EPB41L3: variants seen among roughly 807,000 people sequenced by gnomAD.
The protein encoded by EPB41L3 is erythrocyte membrane protein band 4.1 like 3.
In EPB41L3, 57 loss-of-function variants were observed where a neutral mutation model predicts 127.1. The observed-to-expected ratio is 0.45, with a 90% CI of 0.36 to 0.56. The LOEUF (loss-of-function observed/expected upper bound fraction) is 0.56, where lower values mean the gene tolerates loss of function less well. Among genes scored for constraint, EPB41L3 ranks in the 20% least tolerant of loss-of-function variants. The probability of loss-of-function intolerance (pLI) is 0.00; values close to 1 mark genes in which losing one functional copy is unlikely to be tolerated. For synonymous variants in EPB41L3, 572 were observed against 549.5 expected (o/e 1.04, Z -0.57); for missense variants, 1,273 against 1,372.2 (o/e 0.93, Z 1.14).
At chr18:5,441,607 A>G (rs1431875674) in intron 5 of EPB41L3, among the ~76,000 whole-genome samples, 1 of 152,066 alleles carries the variant, frequency 6.6e-6, no homozygotes, top group Non-Finnish European at 1.5e-5. Context: ...CTGGGACTAC[A>G]GGCGCACGCC....
chr18:5,590,167 TC>T (rs1224454381), intron 3 of EPB41L3, among the ~76,000 whole-genome samples: 7 of 152,094 alleles, frequency 4.6e-5, no homozygotes. Context: ...TCTTTCCCCA[TC>T]CCCTTCGCTT....
chr18:5,579,096 A>G (rs1354819624), intron 3 of EPB41L3, among the ~76,000 whole-genome samples: 1 of 152,268 alleles, frequency 6.6e-6, no homozygotes, highest in Non-Finnish European at 1.5e-5. Flanking sequence ...ATGTTATTAC[A>G]GCATATCACA....
chr18:5,630,223 G>A (rs1297254609), upstream of EPB41L3, among the ~76,000 whole-genome samples: 2 of 152,144 alleles, frequency 1.3e-5, no homozygotes, highest in African/African-American at 4.8e-5. Context: ...GACCCGGCCA[G>A]GCAGCCCCCG....
chr18:5,555,083 T>C (rs1170054335), intron 3 of EPB41L3, among the ~76,000 whole-genome samples: 2 of 152,236 alleles, frequency 1.3e-5, no homozygotes, highest in African/African-American at 4.8e-5. Flanking sequence ...TGTTAGATTC[T>C]GTCATTTCAG....
At chr18:5,549,936 T>C (rs1341666218) in intron 3 of EPB41L3, among the ~76,000 whole-genome samples, 1 of 152,208 alleles carries the variant, frequency 6.6e-6, no homozygotes. Context: ...GCAGGAGTTA[T>C]TGCTTGGATC....
At chr18:5,607,383 G>A (rs894437894) in intron 3 of EPB41L3, among the ~76,000 whole-genome samples, 2 of 152,206 alleles carry the variant, frequency 1.3e-5, no homozygotes, top group Non-Finnish European at 2.9e-5. Flanking sequence ...GAGGCTCTAT[G>A]AGTGTCTACA....
chr18:5,515,602 C>G (rs1385384365), intron 1 of EPB41L3, among the ~76,000 whole-genome samples: 1 of 152,056 alleles, frequency 6.6e-6, no homozygotes, highest in Non-Finnish European at 1.5e-5. Context: ...ACTGAAATAG[C>G]ACAGCAAAAA....
chr18:5,457,842 C>G (rs911087069), intron 3 of EPB41L3, among the ~76,000 whole-genome samples: 6 of 152,120 alleles, frequency 3.9e-5, no homozygotes, highest in Admixed American at 6.5e-5. Context: ...CCTCAGGATT[C>G]CACCCCTGAA....
At chr18:5,473,922 G>GA (rs541306007) in intron 3 of EPB41L3, among the ~76,000 whole-genome samples, 3 of 151,872 alleles carry the variant, frequency 2.0e-5, no homozygotes, top group African/African-American at 7.2e-5. Context: ...GACTGAGTTT[G>GA]AAAAAAAATT....
chr18:5,456,331 T>C (rs995377334), intron 3 of EPB41L3, among the ~76,000 whole-genome samples: 2 of 152,118 alleles, frequency 1.3e-5, no homozygotes, highest in African/African-American at 4.8e-5. Flanking sequence ...TGAGAATAAA[T>C]AGAAAGAGAA....
chr18:5,495,399 TA>T (rs200781678), intron 1 of EPB41L3, among the ~76,000 whole-genome samples: 10,340 of 116,014 alleles, frequency 0.089, 871 homozygotes, highest in African/African-American at 0.23. Flanking sequence ...ATTGGAAACT[TA>T]AAAAAAAAAA....
chr18:5,429,253 T>G (rs11876050), intron 8 of EPB41L3: 1 of 152,110 alleles, frequency 6.6e-6, no homozygotes, highest in Non-Finnish European at 1.5e-5. Flanking sequence ...GAGATCATCC[T>G]AGAACTGCAA....
intron 3 of EPB41L3, among the ~76,000 whole-genome samples, chr18:5,592,985 T>C (rs1222430806): frequency 6.6e-6 from 1 of 152,204 alleles, no homozygotes; most frequent in Non-Finnish European, 1.5e-5. Context: ...ATGACAGCTA[T>C]GCAGGTATCA....
chr18:5,589,294 C>G (rs959208969), intron 3 of EPB41L3, among the ~76,000 whole-genome samples: 2 of 151,952 alleles, frequency 1.3e-5, no homozygotes, highest in African/African-American at 4.8e-5. Context: ...AGGTAACACT[C>G]CCCACCACCC....
chr18:5,402,168 A>G (rs1266934152), intron 16 of EPB41L3, among the ~76,000 whole-genome samples: 4 of 144,350 alleles, frequency 2.8e-5, no homozygotes, highest in Non-Finnish European at 4.6e-5. Context: ...TCAGAGGAGG[A>G]AAAAAAAAAA....
chr18:5,488,854 T>C (rs1354285393), intron 2 of EPB41L3, 147 bp downstream of exon 2: 1 of 838,180 alleles, frequency 1.2e-6, no homozygotes, highest in Non-Finnish European at 1.7e-6. Flanking sequence ...AGCCTTAAAA[T>C]AGCATACATT....
At chr18:5,448,245 CATG>C (rs1320928170) in intron 3 of EPB41L3, among the ~76,000 whole-genome samples, 1 of 152,164 alleles carries the variant, frequency 6.6e-6, no homozygotes, top group Non-Finnish European at 1.5e-5. Flanking sequence ...TTCTACACGT[CATG>C]ATGAGAAAGA....
At chr18:5,499,595 C>G (rs2091534160) in intron 1 of EPB41L3, among the ~76,000 whole-genome samples, 1 of 151,656 alleles carries the variant, frequency 6.6e-6, no homozygotes, top group Non-Finnish European at 1.5e-5. Flanking sequence ...AACCGTATCT[C>G]TACCAAAAAA....
At chr18:5,610,592 G>A (rs1014401508) in intron 3 of EPB41L3, among the ~76,000 whole-genome samples, 1 of 152,174 alleles carries the variant, frequency 6.6e-6, no homozygotes, top group Non-Finnish European at 1.5e-5. Flanking sequence ...GGGGACTTCT[G>A]CAAGGTATAG....
Sources: gnomAD v4.1 joint callset for allele counts (sites outside exome capture counted in the v4.1 genomes callset) on GRCh38, gnomAD v4.1.1 for gene constraint, MANE v1.5 for transcripts, NCBI Gene and HGNC (gene_info 2026-07-23, HGNC 2026-07-21) for gene names.